SUMF1: variants seen among roughly 807,000 people sequenced by gnomAD.
SUMF1 encodes sulfatase modifying factor 1.
In SUMF1, 48 loss-of-function variants were observed where a neutral mutation model predicts 47.6. The observed-to-expected ratio is 1.01, with a 90% CI of 0.80 to 1.28. The LOEUF (loss-of-function observed/expected upper bound fraction) is 1.28, where lower values mean the gene tolerates loss of function less well. Ranked by LOEUF, SUMF1 falls within the 50% of genes most tolerant of loss-of-function variation. The probability of loss-of-function intolerance (pLI) is 0.00; values close to 1 mark genes in which losing one functional copy is unlikely to be tolerated. For synonymous variants in SUMF1, 230 were observed against 192.1 expected, an observed-to-expected ratio of 1.20 and a Z score of -1.63; for missense variants, 571 against 485.4, an observed-to-expected ratio of 1.18 and a Z score of -1.66.
chr3:4,239,935 G>A (rs915222105), intron 8 of SUMF1, among the ~76,000 whole-genome samples: 20 of 151,698 alleles, frequency 1.3e-4, no homozygotes, highest in African/African-American at 1.9e-4. Flanking sequence ...ATTTTGAGAC[G>A]CATTCCATCC....
intron 9 of SUMF1, among the ~76,000 whole-genome samples, chr3:4,059,150 T>G (rs1046967422): frequency 6.6e-6 from 1 of 152,042 alleles, no homozygotes; most frequent in African/African-American, 2.4e-5. Context: ...TATACTTGTG[T>G]TTAAAAAAAT....
intron 8 of SUMF1, among the ~76,000 whole-genome samples, chr3:4,187,225 C>A (rs1351033490): frequency 6.6e-6 from 1 of 152,046 alleles, no homozygotes; most frequent in African/African-American, 2.4e-5. Flanking sequence ...AAAACATTAG[C>A]CAGCGCAATG....
intron 8 of SUMF1, among the ~76,000 whole-genome samples, chr3:4,177,262 A>C (rs1694987102): frequency 6.6e-6 from 1 of 152,196 alleles, no homozygotes; most frequent in African/African-American, 2.4e-5. Context: ...CATCACAGTT[A>C]TTCTAAAATT....
At chr3:4,165,858 T>G (rs1376095712) in intron 8 of SUMF1, among the ~76,000 whole-genome samples, 1 of 62,262 alleles carries the variant, frequency 1.6e-5, no homozygotes, top group Non-Finnish European at 3.2e-5. Flanking sequence ...TTGATTTGTT[T>G]GTTTCCCCCC....
chr3:4,176,899 A>T (rs895113104), intron 8 of SUMF1, among the ~76,000 whole-genome samples: 1 of 152,240 alleles, frequency 6.6e-6, no homozygotes, highest in African/African-American at 2.4e-5. Context: ...CTCATCTCTG[A>T]TAAAACAGAC....
At chr3:4,264,976 A>T (rs1402835734) in intron 8 of SUMF1, among the ~76,000 whole-genome samples, 1 of 152,038 alleles carries the variant, frequency 6.6e-6, no homozygotes, top group Non-Finnish European at 1.5e-5. Context: ...TCTACTAAAA[A>T]TACAAAATTA....
intron 8 of SUMF1, among the ~76,000 whole-genome samples, chr3:4,176,937 AAAG>A (rs1326778333): frequency 1.3e-5 from 2 of 152,174 alleles, no homozygotes; most frequent in Non-Finnish European, 2.9e-5. Flanking sequence ...CAAAAGAGAC[AAAG>A]AAGGCCATTA....
In SUMF1 at chr3:4,467,234, G is replaced by A. The variant is rs2124825652; in HGVS notation, c.12C>T (p.Pro4=). The part of the protein sequence containing the change: MAA[P]ALGLVCGRCP... Reference sequence around the variant, plus strand: ...AACGTCCACACACCAGCCCTAGTGCGGGCGCAGCCATGTTGTCCCGCGGGC... The same window carrying A: ...AACGTCCACACACCAGCCCTAGTGCAGGCGCAGCCATGTTGTCCCGCGGGC... Residue 4 remains proline (P), a synonymous_variant, in exon 1 of 9, where the codon CCC becomes CCT. Coordinates refer to ENST00000272902, the MANE Select transcript of SUMF1 (RefSeq NM_182760.4). 1 of 1,609,608 alleles carries A rather than the reference G, an allele frequency of 6.2e-7. No homozygotes were observed. The highest frequency in any genetic ancestry group is 1.3e-5 in the African/African-American group (1 of 74,948).
chr3:4,194,416 G>A (rs374717122), intron 8 of SUMF1, among the ~76,000 whole-genome samples: 2 of 152,166 alleles, frequency 1.3e-5, no homozygotes, highest in East Asian at 1.9e-4. Context: ...ATGTGCATCT[G>A]AGTAGAGAGT....
At chr3:4,290,580 T>C (rs1016021750) in intron 8 of SUMF1, among the ~76,000 whole-genome samples, 15 of 152,300 alleles carry the variant, frequency 9.8e-5, no homozygotes, top group Middle Eastern at 3.4e-3. Context: ...CCAGGTCTTC[T>C]GCCCCAAATC....
chr3:4,141,653 A>C (rs1694073627), intron 8 of SUMF1, among the ~76,000 whole-genome samples: 1 of 152,084 alleles, frequency 6.6e-6, no homozygotes, highest in Non-Finnish European at 1.5e-5. Context: ...ACAGAGCAAG[A>C]TCCTGCTTCA....
chr3:4,399,092 G>A (rs1275877277), intron 7 of SUMF1, among the ~76,000 whole-genome samples: 4 of 152,132 alleles, frequency 2.6e-5, no homozygotes, highest in Non-Finnish European at 5.9e-5. Context: ...ATATGAGAAC[G>A]AGAGGGGGCG....
At chr3:4,091,409 G>A (rs905844637) in intron 8 of SUMF1, among the ~76,000 whole-genome samples, 1 of 152,048 alleles carries the variant, frequency 6.6e-6, no homozygotes, top group Non-Finnish European at 1.5e-5. Flanking sequence ...GTGTATATGT[G>A]CATGAGGGTG....
At chr3:4,211,257 T>C (rs1180439561) in intron 8 of SUMF1, among the ~76,000 whole-genome samples, 2 of 143,690 alleles carry the variant, frequency 1.4e-5, no homozygotes, top group African/African-American at 2.6e-5. Flanking sequence ...TAGAGAACCC[T>C]GACTAATATA....
At position 4,035,577 on chromosome 3, in the gene SUMF1, T is replaced by G. The variant is rs188218028; in HGVS notation, c.1191+32992A>C. ...AAATAAAAGCATATTCACAGAAGAT[T>G]AGGACAAGGATATATTTTAGAGAGG... is the stretch of plus-strand genomic sequence containing the variant. On this transcript the variant is annotated intron_variant and NMD_transcript_variant, in intron 9 of 12. Transcript: ENST00000448413. Among the ~76,000 whole-genome samples, 66 of 152,300 alleles carry G rather than the reference T, an allele frequency of 4.3e-4. 1 individual carries two copies. Among genetic ancestry groups the G allele is most frequent in the Non-Finnish European group, 4.6e-4 (31 of 68,026 alleles).
intron 8 of SUMF1, among the ~76,000 whole-genome samples, chr3:4,169,558 A>T (rs553426790): frequency 1.3e-5 from 2 of 152,278 alleles, no homozygotes; most frequent in East Asian, 3.9e-4. Context: ...CCTTGCAGAC[A>T]CCTATATTTC....
intron 1 of SUMF1, among the ~76,000 whole-genome samples, chr3:4,465,476 TA>T (rs991984480): frequency 2.2e-3 from 282 of 131,110 alleles, no homozygotes; most frequent in Middle Eastern, 4.0e-3. Flanking sequence ...AGACTCCGTC[TA>T]AAAAAAAAAA....
chr3:4,187,236 T>A (rs974320001), intron 8 of SUMF1, among the ~76,000 whole-genome samples: 1 of 151,740 alleles, frequency 6.6e-6, no homozygotes, highest in East Asian at 1.9e-4. Context: ...CAGCGCAATG[T>A]CAGGTACCTG....
At chr3:4,199,930 T>G (rs1695506534) in intron 8 of SUMF1, among the ~76,000 whole-genome samples, 1 of 152,094 alleles carries the variant, frequency 6.6e-6, no homozygotes, top group Non-Finnish European at 1.5e-5. Flanking sequence ...GCTTATCTGT[T>G]TTTTCATTTT....
Sources: allele counts gnomAD v4.1 joint callset (sites outside exome capture counted in the v4.1 genomes callset), GRCh38; gene constraint gnomAD v4.1.1; transcripts MANE v1.5; gene names NCBI Gene and HGNC (gene_info 2026-07-23, HGNC 2026-07-21).